The following DPP6 variants were observed in gnomAD, a reference collection of about 807,000 sequenced individuals.
DPP6 encodes dipeptidyl peptidase like 6.
A neutral mutation model predicts 122.6 loss-of-function variants in DPP6; 69 were observed. That is an observed-to-expected ratio of 0.56 (90% CI 0.46 to 0.69). The LOEUF is 0.69. Ranked by LOEUF, DPP6 falls within the 30% of genes least tolerant of loss-of-function variation. The pLI, the probability that DPP6 is intolerant of heterozygous loss-of-function variation, is 0.00. For synonymous variants in DPP6, 418 were observed against 433.1 expected (o/e 0.97, Z 0.43); for missense variants, 928 against 1,116.9 (o/e 0.83, Z 2.41).
At chr7:153,850,431 G>T in the DPP6 span, among the ~76,000 whole-genome samples, 1 of 152,126 alleles carries the variant, frequency 6.6e-6, no homozygotes, top group African/African-American at 2.4e-5. Flanking sequence ...CGAGTCTACT[G>T]CCAAGACTAA....
chr7:154,175,036 C>G (rs1031384257), intron 1 of DPP6, among the ~76,000 whole-genome samples: 4 of 151,734 alleles, frequency 2.6e-5, no homozygotes, highest in Admixed American at 6.6e-5. Context: ...ACACGCGCCC[C>G]CCACCCCTGT....
intron 1 of DPP6, among the ~76,000 whole-genome samples, chr7:154,380,587 G>A (rs965016888): frequency 6.6e-6 from 1 of 152,182 alleles, no homozygotes; most frequent in East Asian, 1.9e-4. Flanking sequence ...TGAGTCCTGG[G>A]GACATATGTG....
chr7:154,128,385 G>A (rs149157096), intron 1 of DPP6, among the ~76,000 whole-genome samples: 4,641 of 152,154 alleles, frequency 0.031, 221 homozygotes, highest in African/African-American at 0.11. Flanking sequence ...TTCGAGACTG[G>A]GCAACATAGT....
At chr7:154,393,399 C>T (rs922961812) in intron 1 of DPP6, among the ~76,000 whole-genome samples, 2 of 152,148 alleles carry the variant, frequency 1.3e-5, no homozygotes, top group Admixed American at 6.5e-5. Context: ...CTGTTTATGA[C>T]TTTTCTTTAA....
chr7:154,614,061 A>G (rs1398247704), intron 5 of DPP6, among the ~76,000 whole-genome samples: 1 of 151,662 alleles, frequency 6.6e-6, no homozygotes, highest in African/African-American at 2.4e-5. Flanking sequence ...CTGTGCCTCC[A>G]CTCTCCACCC....
chr7:154,562,969 C>A (rs1312307090), intron 4 of DPP6, among the ~76,000 whole-genome samples: 2 of 145,378 alleles, frequency 1.4e-5, no homozygotes, highest in South Asian at 4.2e-4. Flanking sequence ...GGTGTTTACA[C>A]TCTAATGAAG....
At chr7:154,244,127 C>T (rs1350737781) in intron 1 of DPP6, among the ~76,000 whole-genome samples, 6 of 148,584 alleles carry the variant, frequency 4.0e-5, no homozygotes, top group Admixed American at 2.0e-4. Context: ...GAAAATCTAA[C>T]CCAAAGAGAA....
chr7:154,578,075 C>T (rs1267682088), intron 5 of DPP6, among the ~76,000 whole-genome samples: 1 of 152,150 alleles, frequency 6.6e-6, no homozygotes, highest in Admixed American at 6.5e-5. Flanking sequence ...CATAGCATTA[C>T]CAGTAATATC....
chr7:154,331,236 T>C (rs1029824416), intron 1 of DPP6, among the ~76,000 whole-genome samples: 8 of 152,204 alleles, frequency 5.3e-5, no homozygotes, highest in Non-Finnish European at 7.3e-5. Context: ...AATTCATTCA[T>C]CTATCATTAC....
chr7:154,146,418 C>A (rs1248697956), intron 1 of DPP6, among the ~76,000 whole-genome samples: 2 of 149,312 alleles, frequency 1.3e-5, no homozygotes, highest in East Asian at 4.1e-4. Context: ...TGATACCTAA[C>A]AAAATGTTTT....
At chr7:154,497,456 A>C (rs1824844798) in intron 3 of DPP6, among the ~76,000 whole-genome samples, 1 of 152,044 alleles carries the variant, frequency 6.6e-6, no homozygotes, top group Admixed American at 6.6e-5. Flanking sequence ...TAAAAATACA[A>C]AAATTAGCAG....
intron 1 of DPP6, among the ~76,000 whole-genome samples, chr7:154,375,087 G>A (rs1203181026): frequency 6.6e-6 from 1 of 152,154 alleles, no homozygotes; most frequent in Admixed American, 6.5e-5. Flanking sequence ...GGAAGGCTCT[G>A]ACAAAAGAGG....
At chr7:154,083,024 AT>A (rs1456450861) in intron 1 of DPP6, among the ~76,000 whole-genome samples, 2 of 150,748 alleles carry the variant, frequency 1.3e-5, no homozygotes, top group Admixed American at 6.6e-5. Flanking sequence ...AATTTTTTGT[AT>A]TTTTTAGTAG....
chr7:154,190,783 C>T (rs1375310313), intron 1 of DPP6, among the ~76,000 whole-genome samples: 3 of 152,048 alleles, frequency 2.0e-5, no homozygotes, highest in Non-Finnish European at 2.9e-5. Context: ...AGAGCTGTTA[C>T]TTCTTAAAGC....
chr7:154,494,906 T>C (rs755601769), intron 3 of DPP6, among the ~76,000 whole-genome samples: 12 of 152,136 alleles, frequency 7.9e-5, no homozygotes, highest in Non-Finnish European at 1.5e-4. Flanking sequence ...GTTAAAGACA[T>C]AACAAAGCAT....
At chr7:154,027,808 C>T (rs1411955285) in intron 1 of DPP6, among the ~76,000 whole-genome samples, 2 of 151,908 alleles carry the variant, frequency 1.3e-5, no homozygotes, top group African/African-American at 2.4e-5. Context: ...TCCCTCCTCT[C>T]CTTTCCTCTT....
intron 4 of DPP6, among the ~76,000 whole-genome samples, chr7:154,549,719 CCT>C (rs1300255561): frequency 1.3e-5 from 2 of 152,098 alleles, no homozygotes; most frequent in Non-Finnish European, 2.9e-5. Flanking sequence ...AAGTCATGTC[CCT>C]GAGTGGGGAG....
intron 1 of DPP6, among the ~76,000 whole-genome samples, chr7:154,379,164 G>T (rs1307129658): frequency 6.6e-6 from 1 of 152,242 alleles, no homozygotes. Flanking sequence ...TTACAACTCG[G>T]TTCCAAGAGG....
rs559204601 is a variant in DPP6, at chr7:154,730,024, G to C, written c.883+2137G>C. ...GAAGCTCCGGAGGGGCTGCACCTCT[G>C]CCTGGGGTGCAATCCCTGAGCCTCT... On this transcript the variant is annotated intron_variant, in intron 8 of 25. Transcript: ENST00000377770. 2.0e-5 allele frequency among the ~76,000 whole-genome samples: 3 copies of C among 152,340 alleles called. No individual in the cohort carries two copies. In the South Asian group the frequency reaches 6.2e-4, roughly 32 times the overall value.
Sources: allele counts gnomAD v4.1 joint callset (sites outside exome capture counted in the v4.1 genomes callset), GRCh38; gene constraint gnomAD v4.1.1; transcripts MANE v1.5; gene names NCBI Gene and HGNC (gene_info 2026-07-23, HGNC 2026-07-21).